The following DLG2 variants were observed in gnomAD, a reference collection of about 807,000 sequenced individuals.
The protein encoded by DLG2 is disks large homolog 2.
In DLG2, 45 loss-of-function variants were observed where a neutral mutation model predicts 132.5. The ratio of observed to expected loss-of-function variants is 0.34; its 90% confidence interval spans 0.27 to 0.44. The LOEUF (loss-of-function observed/expected upper bound fraction) is 0.44. Ranked by LOEUF, DLG2 falls within the 20% of genes least tolerant of loss-of-function variation. The pLI is 1.00. For missense variants in DLG2, 1,045 were observed against 1,196.9 expected (o/e 0.87, Z 1.87); for synonymous variants, 424 against 419.6 (o/e 1.01, Z -0.13).
At chr11:85,445,199 G>A (rs1188327834) in intron 3 of DLG2, among the ~76,000 whole-genome samples, 1 of 152,180 alleles carries the variant, frequency 6.6e-6, no homozygotes, top group East Asian at 1.9e-4. Context: ...GCAAAGAGGA[G>A]TAGTTAAAAG....
At chr11:83,682,547 T>C in intron 18 of DLG2, 3 of 712,076 alleles carry the variant, frequency 4.2e-6, no homozygotes, top group Non-Finnish European at 5.2e-6. Flanking sequence ...TACACCTTGT[T>C]AAGGTGGATC....
At chr11:84,973,402 T>C (rs1325667702) in intron 6 of DLG2, among the ~76,000 whole-genome samples, 1 of 152,234 alleles carries the variant, frequency 6.6e-6, no homozygotes, top group Non-Finnish European at 1.5e-5. Context: ...CTTATGTTCC[T>C]CGTGAAATGT....
intron 3 of DLG2, among the ~76,000 whole-genome samples, chr11:85,381,486 G>T (rs1247722182): frequency 6.6e-6 from 1 of 152,038 alleles, no homozygotes; most frequent in Admixed American, 6.6e-5. Context: ...AATTATACTG[G>T]AGGTTTTAGC....
At chr11:84,403,029 T>TG (rs2098836201) in intron 7 of DLG2, among the ~76,000 whole-genome samples, 1 of 150,830 alleles carries the variant, frequency 6.6e-6, no homozygotes, top group Non-Finnish European at 1.5e-5. Flanking sequence ...GAGGATGGAG[T>TG]GGTATAAAGT....
intron 16 of DLG2, among the ~76,000 whole-genome samples, chr11:83,854,837 T>G (rs538321173): frequency 6.6e-6 from 1 of 152,094 alleles, no homozygotes; most frequent in Non-Finnish European, 1.5e-5. Flanking sequence ...AAAAACAGTC[T>G]GCTCTGTGAA....
intron 17 of DLG2, among the ~76,000 whole-genome samples, chr11:83,826,564 A>G (rs2052844648): frequency 6.6e-6 from 1 of 152,198 alleles, no homozygotes; most frequent in Non-Finnish European, 1.5e-5. Flanking sequence ...GCTGGTTTGG[A>G]GAGGCAACTT....
At chr11:85,169,648 T>C (rs1019150271) in intron 4 of DLG2, among the ~76,000 whole-genome samples, 2 of 152,108 alleles carry the variant, frequency 1.3e-5, no homozygotes, top group East Asian at 3.9e-4. Context: ...GAACAGACAA[T>C]AGTTTGTGAC....
chr11:84,181,169 G>A (rs2096116363), intron 8 of DLG2, among the ~76,000 whole-genome samples: 1 of 151,520 alleles, frequency 6.6e-6, no homozygotes, highest in African/African-American at 2.4e-5. Context: ...TTATAATCAT[G>A]TATGATTATA....
At chr11:84,304,000 G>C (rs1359819201) in intron 7 of DLG2, among the ~76,000 whole-genome samples, 1 of 152,160 alleles carries the variant, frequency 6.6e-6, no homozygotes, top group African/African-American at 2.4e-5. Flanking sequence ...AGGTAAATAA[G>C]ACAGGTCATG....
intron 7 of DLG2, chr11:84,273,235 A>G: frequency 1.3e-6 from 2 of 1,563,372 alleles, no homozygotes; most frequent in Non-Finnish European, 1.7e-6. Flanking sequence ...TCTCAGCCCG[A>G]GAAACACTTG....
At chr11:84,937,449 C>A (rs1490307197) in intron 6 of DLG2, among the ~76,000 whole-genome samples, 1 of 150,886 alleles carries the variant, frequency 6.6e-6, no homozygotes, top group African/African-American at 2.4e-5. Flanking sequence ...CTGTTCTTTT[C>A]AGCAGGTACT....
At chr11:83,875,498 C>T (rs1013066021) in intron 15 of DLG2, among the ~76,000 whole-genome samples, 10 of 152,052 alleles carry the variant, frequency 6.6e-5, no homozygotes, top group Admixed American at 5.9e-4. Context: ...TAAATTCTTA[C>T]AACAATTTTT....
chr11:84,516,325 T>C (rs1206558310), intron 7 of DLG2, among the ~76,000 whole-genome samples: 1 of 151,448 alleles, frequency 6.6e-6, no homozygotes, highest in Non-Finnish European at 1.5e-5. Flanking sequence ...TTGACAAACT[T>C]TTAGCTAGAC....
intron 4 of DLG2, among the ~76,000 whole-genome samples, chr11:85,278,618 C>T (rs79346577): frequency 0.13 from 20,400 of 151,880 alleles, 1,972 homozygotes; most frequent in Non-Finnish European, 0.19. Flanking sequence ...AAAAAAAGAG[C>T]CTAGCCTGGA....
intron 19 of DLG2, among the ~76,000 whole-genome samples, chr11:83,564,149 T>C (rs762099470): frequency 2.6e-5 from 4 of 152,128 alleles, no homozygotes; most frequent in Non-Finnish European, 4.4e-5. Flanking sequence ...GGAATGTTTA[T>C]GTTGGATATA....
chr11:84,209,242 T>C (rs2096718698), intron 8 of DLG2, among the ~76,000 whole-genome samples: 1 of 152,184 alleles, frequency 6.6e-6, no homozygotes, highest in Non-Finnish European at 1.5e-5. Context: ...GTAAAAACAT[T>C]AGATAAATCT....
At chr11:83,594,326 C>G (rs7103498) in intron 19 of DLG2, among the ~76,000 whole-genome samples, 33,427 of 152,118 alleles carry the variant, frequency 0.22, 3,810 homozygotes, top group Non-Finnish European at 0.23. Context: ...TTGGTATGTA[C>G]TGTGGATGAG....
chr11:84,288,730 C>G (rs147741140), intron 7 of DLG2, among the ~76,000 whole-genome samples: 19 of 152,210 alleles, frequency 1.2e-4, no homozygotes, highest in Non-Finnish European at 1.8e-4. Flanking sequence ...GAAGTCAAGA[C>G]AGTGATATGT....
chr11:84,790,494 T>C (rs533562281), intron 6 of DLG2, among the ~76,000 whole-genome samples: 3 of 152,304 alleles, frequency 2.0e-5, no homozygotes, highest in Admixed American at 2.0e-4. Flanking sequence ...AATATCTTGT[T>C]AGATGTGTAG....
Sources: allele counts gnomAD v4.1 joint callset (sites outside exome capture counted in the v4.1 genomes callset), GRCh38; gene constraint gnomAD v4.1.1; transcripts MANE v1.5; gene names NCBI Gene and HGNC (gene_info 2026-07-23, HGNC 2026-07-21).